The following PCDH9 variants were observed in gnomAD, a reference collection of about 807,000 sequenced individuals.
The protein encoded by PCDH9 is protocadherin-9.
A neutral mutation model predicts 70.6 loss-of-function variants in PCDH9; 24 were observed. The observed-to-expected ratio is 0.34, with a 90% CI of 0.25 to 0.48. The LOEUF (loss-of-function observed/expected upper bound fraction) is 0.48. PCDH9 is among the 20% of genes least tolerant of loss of function. The pLI is 0.99. For synonymous variants in PCDH9, 562 were observed against 558.5 expected (o/e 1.01, Z -0.09); for missense variants, 1,281 against 1,503.6 (o/e 0.85, Z 2.45).
chr13:67,074,009 T>C (rs2085821532), intron 2 of PCDH9, among the ~76,000 whole-genome samples: 2 of 152,088 alleles, frequency 1.3e-5, no homozygotes, highest in African/African-American at 4.8e-5. Context: ...CATATCCTTT[T>C]TGAATCTCAT....
intron 4 of PCDH9, among the ~76,000 whole-genome samples, chr13:66,406,753 AAAAC>A (rs552616026): frequency 9.8e-5 from 15 of 152,338 alleles, no homozygotes; most frequent in African/African-American, 3.6e-4. Flanking sequence ...AGATGGTGCG[AAAAC>A]AAACAAATAA....
chr13:66,455,046 C>T (rs1410286963), intron 4 of PCDH9, among the ~76,000 whole-genome samples: 1 of 152,004 alleles, frequency 6.6e-6, no homozygotes, highest in East Asian at 1.9e-4. Flanking sequence ...GAGATGTTTG[C>T]CAGTTTTCCT....
intron 3 of PCDH9, among the ~76,000 whole-genome samples, chr13:66,849,142 A>T (rs1431426151): frequency 6.6e-6 from 1 of 151,990 alleles, no homozygotes; most frequent in African/African-American, 2.4e-5. Context: ...TCTATTGCTT[A>T]ATTTTTCTTC....
intron 4 of PCDH9, among the ~76,000 whole-genome samples, chr13:66,434,732 G>A (rs1957837070): frequency 6.6e-6 from 1 of 151,882 alleles, no homozygotes; most frequent in African/African-American, 2.4e-5. Flanking sequence ...TTACTTGTAA[G>A]CTACTTTCCA....
intron 4 of PCDH9, among the ~76,000 whole-genome samples, chr13:66,518,985 GATATA>G: frequency 6.6e-6 from 1 of 152,162 alleles, no homozygotes; most frequent in East Asian, 1.9e-4. Context: ...CGGTGTCCCA[GATATA>G]ATATACATTT....
chr13:67,214,621 A>G (rs1035938473), intron 2 of PCDH9: 1 of 152,254 alleles, frequency 6.6e-6, no homozygotes, highest in African/African-American at 2.4e-5. Flanking sequence ...GCAATTATAC[A>G]AATGTGAAAC....
At chr13:66,923,091 T>C (rs919941061) in intron 2 of PCDH9, among the ~76,000 whole-genome samples, 2 of 151,496 alleles carry the variant, frequency 1.3e-5, no homozygotes, top group African/African-American at 4.8e-5. Flanking sequence ...CTAAAAACTA[T>C]GTATAATTTG....
intron 2 of PCDH9, among the ~76,000 whole-genome samples, chr13:66,906,059 T>C (rs868759160): frequency 2.6e-5 from 4 of 152,182 alleles, no homozygotes; most frequent in African/African-American, 7.2e-5. Flanking sequence ...TGGCATTTAA[T>C]ATCTGTAATA....
chr13:66,428,769 T>C (rs1046981315), intron 4 of PCDH9, among the ~76,000 whole-genome samples: 1 of 151,848 alleles, frequency 6.6e-6, no homozygotes, highest in African/African-American at 2.4e-5. Flanking sequence ...AATTAGATTA[T>C]TAAATTCAGC....
chr13:66,326,972 C>T (rs944689361), intron 4 of PCDH9, among the ~76,000 whole-genome samples: 8 of 152,066 alleles, frequency 5.3e-5, no homozygotes, highest in Non-Finnish European at 8.8e-5. Context: ...TGCCTCCAAA[C>T]GATGAGGGTT....
intron 4 of PCDH9, among the ~76,000 whole-genome samples, chr13:66,621,050 T>C (rs2077415587): frequency 6.6e-6 from 1 of 152,178 alleles, no homozygotes; most frequent in Non-Finnish European, 1.5e-5. Flanking sequence ...GTAACATTTA[T>C]ATAAGTTTAA....
chr13:67,018,992 T>C (rs1325557438), intron 2 of PCDH9, among the ~76,000 whole-genome samples: 1 of 152,104 alleles, frequency 6.6e-6, no homozygotes, highest in Non-Finnish European at 1.5e-5. Flanking sequence ...CACTGTTCTC[T>C]CAAGCAGAAC....
chr13:66,439,928 A>C (rs1957943300), intron 4 of PCDH9, among the ~76,000 whole-genome samples: 3 of 152,100 alleles, frequency 2.0e-5, no homozygotes, highest in African/African-American at 7.2e-5. Context: ...TTCATTTTAG[A>C]TTGTAGGTAA....
intron 2 of PCDH9, among the ~76,000 whole-genome samples, chr13:66,928,780 T>C (rs2082756951): frequency 6.6e-6 from 1 of 152,148 alleles, no homozygotes; most frequent in Non-Finnish European, 1.5e-5. Flanking sequence ...GAGAAATACA[T>C]TTCTATTTTT....
At chr13:66,747,990 C>T (rs1212998177) in intron 3 of PCDH9, among the ~76,000 whole-genome samples, 12 of 152,104 alleles carry the variant, frequency 7.9e-5, no homozygotes, top group African/African-American at 2.9e-4. Flanking sequence ...CCAATTAAAA[C>T]AAAAACATTT....
intron 4 of PCDH9, among the ~76,000 whole-genome samples, chr13:66,315,341 C>A (rs749515712): frequency 6.6e-5 from 10 of 152,174 alleles, no homozygotes; most frequent in Admixed American, 1.3e-4. Context: ...ACAACTGAGA[C>A]AATAAATTTG....
chr13:66,998,718 C>T (rs7324298), intron 2 of PCDH9, among the ~76,000 whole-genome samples: 147,575 of 152,224 alleles, frequency 0.97, 71,695 homozygotes, highest in East Asian at 1. Context: ...GCAATGTCTC[C>T]TATAACCAGC....
rs116970253 is a variant in PCDH9, at chr13:66,509,937, T to C, written c.3340+121273A>G. On this transcript the variant is annotated intron_variant, in intron 4 of 4. Transcript: ENST00000377865. ...TTTTCTATGAAAACAAAGATGGATATATCATAGACTAGAATTTGATTTTCA... is the reference window on the plus strand; with the variant it reads ...TTTTCTATGAAAACAAAGATGGATACATCATAGACTAGAATTTGATTTTCA... Among the ~76,000 whole-genome samples, 1,073 of 152,302 alleles carry C rather than the reference T, an allele frequency of 7.0e-3. 35 individuals carry two copies. The East Asian group carries it at 0.092, about 13-fold the overall frequency.
At chr13:66,847,915 C>T (rs1322284209) in intron 3 of PCDH9, among the ~76,000 whole-genome samples, 3 of 152,110 alleles carry the variant, frequency 2.0e-5, no homozygotes, top group African/African-American at 7.2e-5. Context: ...ACAATATATT[C>T]AAATGGTGGT....
Sources: allele counts gnomAD v4.1 joint callset (sites outside exome capture counted in the v4.1 genomes callset), GRCh38; gene constraint gnomAD v4.1.1; transcripts MANE v1.5; gene names NCBI Gene and HGNC (gene_info 2026-07-23, HGNC 2026-07-21).